TCP1: variants seen among roughly 807,000 people sequenced by gnomAD.
TCP1 encodes t-complex 1.
Under a neutral mutation model 54.7 loss-of-function variants are expected in TCP1, and 6 were observed. The observed-to-expected ratio is 0.11, with a 90% CI of 0.06 to 0.22. The LOEUF (loss-of-function observed/expected upper bound fraction) is 0.22, where lower values mean the gene tolerates loss of function less well. Among genes scored for constraint, TCP1 ranks in the 10% least tolerant of loss-of-function variants. TCP1 has a pLI of 1.00. For synonymous variants in TCP1, 225 were observed against 229.7 expected (o/e 0.98, Z 0.19); for missense variants, 511 against 678.2 (o/e 0.75, Z 2.74).
chr6:159,780,280 A>C, intron 9 of TCP1, 163 bp downstream of exon 9: 1 of 1,252,950 alleles, frequency 8.0e-7, no homozygotes, highest in Non-Finnish European at 1.2e-6. Context: ...AGAGATGAAA[A>C]TGGTTACTTC....
At chr6:159,786,361 A>C (rs887572403) in intron 3 of TCP1, among the ~76,000 whole-genome samples, 2 of 152,238 alleles carry the variant, frequency 1.3e-5, no homozygotes, top group African/African-American at 4.8e-5. Flanking sequence ...GTCTTATTGT[A>C]TTATAAATGC....
At position 159,785,342 on chromosome 6, in the gene TCP1, A is replaced by C; in HGVS notation, c.488+44T>G. ...ACCACCATGCCCATCTCAAAGTCTT[A>C]TGCTTTAAAAAGTCTAAATTTTATC... is the stretch of plus-strand genomic sequence containing the variant. On this transcript the variant is annotated intron_variant, in intron 5 of 11. Coordinates refer to ENST00000321394, the MANE Select transcript of TCP1 (RefSeq NM_030752.3). The C allele has an allele frequency of 3.4e-6, 5 of 1,455,140 alleles. No homozygotes were observed. In the South Asian group the frequency reaches 4.5e-5, roughly 13 times the overall value. 90.1% of individuals were successfully genotyped at this position (1,455,140 alleles called of 1,614,324 possible).
At chr6:159,789,342 C>T in intron 1 of TCP1, 63 bp downstream of exon 1, 2 of 1,592,606 alleles carry the variant, frequency 1.3e-6, no homozygotes, top group Admixed American at 3.4e-5. Flanking sequence ...AGCCGGGGTC[C>T]GGTCGCGGTG....
intron 4 of TCP1, 64 bp from the exon 5 acceptor site, chr6:159,785,560 C>T (rs1160039774): frequency 7.9e-7 from 1 of 1,263,140 alleles, no homozygotes; most frequent in African/African-American, 1.5e-5. Context: ...TTGCATTCAT[C>T]ATGCTTAACA....
At chr6:159,782,415 AT>A (rs976261992) in intron 7 of TCP1, among the ~76,000 whole-genome samples, 1 of 152,206 alleles carries the variant, frequency 6.6e-6, no homozygotes, top group Non-Finnish European at 1.5e-5. Context: ...TATAATTTAG[AT>A]TGAAGAAGAA....
At position 159,779,620 on chromosome 6, in the gene TCP1, T is replaced by G. The variant is rs1378898530; in HGVS notation, c.1454+7A>C. On this transcript the variant is annotated splice_region_variant and intron_variant, in intron 11 of 11. Coordinates refer to ENST00000321394, the MANE Select transcript of TCP1 (RefSeq NM_030752.3). ...GAGGTTAACAAAGAGCGGGAAACCA[T>G]GCTTACCATTTTAGATTTTTACGTT... The G allele has an allele frequency of 6.3e-7, 1 of 1,596,262 alleles. No individual in the cohort carries two copies. The highest frequency in any genetic ancestry group is 8.5e-7 in the Non-Finnish European group (1 of 1,174,774).
At chr6:159,786,111 G>GT (rs2114996497) in intron 3 of TCP1, 114 bp from the exon 4 acceptor site, 1 of 780,642 alleles carries the variant, frequency 1.3e-6, no homozygotes, top group Admixed American at 2.4e-5. Context: ...GTGATGAAAT[G>GT]AATTAACTGG....
intron 3 of TCP1, among the ~76,000 whole-genome samples, chr6:159,786,589 G>A (rs578214186): frequency 4.6e-5 from 7 of 152,294 alleles, no homozygotes; most frequent in African/African-American, 1.7e-4. Context: ...AAAACACTAA[G>A]AAATATTTTT....
At chr6:159,786,659 TC>T (rs1424513719) in intron 3 of TCP1, among the ~76,000 whole-genome samples, 12 of 152,230 alleles carry the variant, frequency 7.9e-5, no homozygotes, top group Non-Finnish European at 1.2e-4. Context: ...AATCACATTA[TC>T]GTAAGTTAGA....
At chr6:159,783,208 AC>A (rs577172773) in intron 7 of TCP1, among the ~76,000 whole-genome samples, 114 of 152,248 alleles carry the variant, frequency 7.5e-4, no homozygotes, top group African/African-American at 2.7e-3. Context: ...GCAGAAGGAA[AC>A]AGACTCTAGA....
chr6:159,788,372 G>A (rs900229876), intron 1 of TCP1: 2 of 458,248 alleles, frequency 4.4e-6, no homozygotes, highest in Non-Finnish European at 8.0e-6. Flanking sequence ...AGGATCGCTT[G>A]ATGCCAGGAG....
At chr6:159,787,235 C>T (rs1380013395) in intron 3 of TCP1, among the ~76,000 whole-genome samples, 1 of 152,086 alleles carries the variant, frequency 6.6e-6, no homozygotes, top group Non-Finnish European at 1.5e-5. Context: ...GACTGTGCTA[C>T]AGATGGTCTC....
chr6:159,784,935 T>C, intron 5 of TCP1, 88 bp from the exon 6 acceptor site: 2 of 1,296,622 alleles, frequency 1.5e-6, no homozygotes, highest in South Asian at 2.4e-5. Flanking sequence ...AGGGACTTCC[T>C]TTTAGTAATC....
rs373826112 is a variant in TCP1, at chr6:159,785,642, T to TC, written c.378-147dup. 42 of 815,544 alleles carry TC rather than the reference T, an allele frequency of 5.1e-5. No individual in the cohort carries two copies. In the African/African-American group the frequency reaches 6.7e-4, roughly 13 times the overall value. 50.5% of individuals were successfully genotyped at this position (815,544 alleles called of 1,614,324 possible). The stretch of plus-strand genomic sequence containing the variant: ...ATAGGAGGAGGACATGAAAAAACCC[T>TC]CCCTCTTCAGATCATGGCAAGTTTA... On this transcript the variant is annotated intron_variant, in intron 4 of 11. Transcript: ENST00000321394.
At chr6:159,779,580 G>A (rs763813687) in intron 11 of TCP1, 47 bp downstream of exon 11, 20 of 1,543,656 alleles carry the variant, frequency 1.3e-5, no homozygotes, top group Admixed American at 1.1e-4. Flanking sequence ...CCTTTTTAAT[G>A]CAACCTGTTC....
At position 159,780,608 on chromosome 6, in the gene TCP1, C is replaced by T. The variant is rs201691490; in HGVS notation, c.974-42G>A. ...AAAGGATCTGTGAATATTGCTCTTT[C>T]ATGATTTTAATATCCTTGGACTCAG... On this transcript the variant is annotated intron_variant, in intron 8 of 11. Transcript: ENST00000321394. The T allele has an allele frequency of 6.9e-6, 11 of 1,594,116 alleles. No homozygotes were observed. The African/African-American group carries it at 1.4e-4, about 20-fold the overall frequency.
Position 159,788,231 on chromosome 6 carries a change from T to A in TCP1, c.65-88A>T, listed in dbSNP as rs537015306. The A allele has an allele frequency of 4.7e-5, 58 of 1,222,300 alleles. 1 individual carries two copies. The South Asian group carries it at 6.7e-4, about 14-fold the overall frequency. The allele number at this position is 1,222,300 out of a possible 1,614,324, so 75.7% of individuals were successfully genotyped here. On this transcript the variant is annotated intron_variant, in intron 1 of 11. Coordinates refer to ENST00000321394, the MANE Select transcript of TCP1 (RefSeq NM_030752.3). Reference sequence around the variant, plus strand: ...AATTTCAGCCTAAAGGTAAATGACATCCAACAGCCCCCGTATTTCCCAAAT... The same window carrying A: ...AATTTCAGCCTAAAGGTAAATGACAACCAACAGCCCCCGTATTTCCCAAAT...
intron 7 of TCP1, among the ~76,000 whole-genome samples, chr6:159,783,513 C>T (rs781296754): frequency 1.7e-4 from 25 of 150,026 alleles, no homozygotes; most frequent in Non-Finnish European, 3.1e-4. Context: ...CAAAGTGTTG[C>T]GATTACAGGC....
At position 159,779,074 on chromosome 6, in the gene TCP1, C is replaced by T; in HGVS notation, c.1642G>A (p.Ala548Thr). The T allele has an allele frequency of 6.2e-7, 1 of 1,614,032 alleles. No homozygotes were observed. The highest frequency in any genetic ancestry group is 8.5e-7 in the Non-Finnish European group (1 of 1,179,936). The change falls in exon 12 of 12, where the codon GCT becomes ACT. Residue 548 changes from alanine to threonine, a missense_variant. By Grantham distance (58) the Ala-to-Thr change is moderately conservative. Coordinates refer to ENST00000321394, the MANE Select transcript of TCP1 (RefSeq NM_030752.3). ...KDDKHGSYED[A>T]VHSGALND ...TCATTAAGGGCTCCAGAGTGAACAG[C>T]ATCTTCATAACTTCCATGTTTATCA... is the stretch of plus-strand genomic sequence containing the variant.
Sources: gnomAD v4.1 joint callset for allele counts (sites outside exome capture counted in the v4.1 genomes callset) on GRCh38, gnomAD v4.1.1 for gene constraint, MANE v1.5 for transcripts, NCBI Gene and HGNC (gene_info 2026-07-23, HGNC 2026-07-21) for gene names.